RBFOX1: variants seen among roughly 807,000 people sequenced by gnomAD.
The protein encoded by RBFOX1 is RNA binding protein fox-1 homolog 1.
A neutral mutation model predicts 57.7 loss-of-function variants in RBFOX1; 8 were observed. The observed-to-expected ratio is 0.14, with a 90% CI of 0.08 to 0.25. The LOEUF (loss-of-function observed/expected upper bound fraction) is 0.25, where lower values mean the gene tolerates loss of function less well. Ranked by LOEUF, RBFOX1 falls within the 10% of genes least tolerant of loss-of-function variation. RBFOX1 has a pLI of 1.00. For missense variants in RBFOX1, 611 were observed against 548.5 expected (o/e 1.11, Z -1.14); for synonymous variants, 326 against 222.4 (o/e 1.47, Z -4.15).
chr16:6,130,369 CCTA>C (rs768322271), intron 1 of RBFOX1, among the ~76,000 whole-genome samples: 1 of 151,900 alleles, frequency 6.6e-6, no homozygotes, highest in Non-Finnish European at 1.5e-5. Flanking sequence ...TATTGTTTAT[CCTA>C]CCATGCCTAA....
intron 3 of RBFOX1, among the ~76,000 whole-genome samples, chr16:7,003,710 C>A (rs1230062684): frequency 2.6e-5 from 4 of 152,012 alleles, no homozygotes; most frequent in Non-Finnish European, 5.9e-5. Context: ...TTATTAAACA[C>A]AAACAATGTA....
intron 3 of RBFOX1, among the ~76,000 whole-genome samples, chr16:6,819,354 G>C (rs1265883120): frequency 1.3e-5 from 2 of 152,150 alleles, no homozygotes; most frequent in Admixed American, 1.3e-4. Flanking sequence ...TTGGTCTACA[G>C]TGAACACACA....
At chr16:6,568,462 G>C (rs1245345439) in intron 2 of RBFOX1, among the ~76,000 whole-genome samples, 1 of 152,164 alleles carries the variant, frequency 6.6e-6, no homozygotes, top group African/African-American at 2.4e-5. Context: ...AGAAGGGAGA[G>C]ATGCTAAGAT....
intron 4 of RBFOX1, among the ~76,000 whole-genome samples, chr16:7,274,261 T>G (rs1447301025): frequency 6.6e-6 from 1 of 152,234 alleles, no homozygotes; most frequent in Non-Finnish European, 1.5e-5. Context: ...AGGAACTGCT[T>G]GCATTGTCAT....
intron 4 of RBFOX1, among the ~76,000 whole-genome samples, chr16:5,988,781 C>T (rs953214541): frequency 6.7e-6 from 1 of 150,122 alleles, no homozygotes; most frequent in Non-Finnish European, 1.5e-5. Context: ...TGCCCTTTCT[C>T]AATTTTTTTT....
intron 3 of RBFOX1, among the ~76,000 whole-genome samples, chr16:6,810,838 G>C (rs1002194249): frequency 2.5e-4 from 38 of 152,204 alleles, no homozygotes; most frequent in African/African-American, 7.9e-4. Context: ...GCCGGGAAAG[G>C]TCGCCATGAT....
At chr16:7,126,030 C>T (rs1198759642) in intron 4 of RBFOX1, among the ~76,000 whole-genome samples, 3 of 152,184 alleles carry the variant, frequency 2.0e-5, no homozygotes, top group Admixed American at 2.0e-4. Context: ...TTGCAGTGAG[C>T]TGAGATCGCA....
At chr16:6,557,134 T>C (rs922055539) in intron 2 of RBFOX1, among the ~76,000 whole-genome samples, 10 of 144,092 alleles carry the variant, frequency 6.9e-5, no homozygotes, top group African/African-American at 2.3e-4. Context: ...TACATATACA[T>C]ATATACATAT....
intron 4 of RBFOX1, among the ~76,000 whole-genome samples, chr16:7,445,775 AG>A (rs1395656423): frequency 1.3e-5 from 2 of 152,168 alleles, no homozygotes; most frequent in African/African-American, 4.8e-5. Context: ...AGATGCCCAA[AG>A]ACTGATATCC....
At chr16:7,150,076 G>A (rs1264788286) in intron 4 of RBFOX1, among the ~76,000 whole-genome samples, 2 of 152,294 alleles carry the variant, frequency 1.3e-5, no homozygotes, top group South Asian at 2.1e-4. Flanking sequence ...GCCCCAGCCA[G>A]GTTGCCTGTT....
intron 2 of RBFOX1, among the ~76,000 whole-genome samples, chr16:6,552,767 CA>C (rs1283281704): frequency 6.6e-6 from 1 of 151,476 alleles, no homozygotes; most frequent in Non-Finnish European, 1.5e-5. Flanking sequence ...AATGTACACA[CA>C]TATAAATACA....
intron 2 of RBFOX1, among the ~76,000 whole-genome samples, chr16:6,594,732 C>T (rs1158789222): frequency 6.6e-6 from 1 of 151,932 alleles, no homozygotes; most frequent in East Asian, 1.9e-4. Flanking sequence ...GGTTCACTTA[C>T]TATATGGTAT....
intron 3 of RBFOX1, among the ~76,000 whole-genome samples, chr16:5,712,913 T>A (rs577848307): frequency 6.6e-6 from 1 of 152,310 alleles, no homozygotes; most frequent in African/African-American, 2.4e-5. Flanking sequence ...ACTAGTCATG[T>A]TTTTCCATGG....
chr16:7,502,261 G>C (rs938980060), intron 4 of RBFOX1, among the ~76,000 whole-genome samples: 1 of 152,128 alleles, frequency 6.6e-6, no homozygotes, highest in Non-Finnish European at 1.5e-5. Context: ...TCAAACACCT[G>C]ATTACTATGT....
intron 3 of RBFOX1, among the ~76,000 whole-genome samples, chr16:6,895,573 A>G (rs956722393): frequency 2.0e-5 from 3 of 150,340 alleles, no homozygotes; most frequent in African/African-American, 4.9e-5. Context: ...GGAAGGATCT[A>G]TGTTCAGAAA....
chr16:6,872,611 G>A (rs945486795), intron 3 of RBFOX1, among the ~76,000 whole-genome samples: 3 of 152,104 alleles, frequency 2.0e-5, no homozygotes, highest in Admixed American at 2.0e-4. Context: ...CAATTAATGT[G>A]CAACTACTTT....
intron 3 of RBFOX1, among the ~76,000 whole-genome samples, chr16:5,833,546 G>T (rs967911699): frequency 2.0e-5 from 3 of 149,972 alleles, no homozygotes; most frequent in Admixed American, 6.6e-5. Context: ...CAAAAGGAAA[G>T]GAGGCAGTCC....
At chr16:6,822,273 G>T (rs1259347919) in intron 3 of RBFOX1, among the ~76,000 whole-genome samples, 1 of 152,212 alleles carries the variant, frequency 6.6e-6, no homozygotes, top group Non-Finnish European at 1.5e-5. Context: ...CCCACTTTCT[G>T]CCTTTTCCAT....
chr16:5,351,123 A>G (rs2065253497), intron 1 of RBFOX1, among the ~76,000 whole-genome samples: 1 of 152,194 alleles, frequency 6.6e-6, no homozygotes, highest in Non-Finnish European at 1.5e-5. Flanking sequence ...TGTGTCTCCC[A>G]TCTGATACCC....
Sources: gnomAD v4.1 joint callset for allele counts (sites outside exome capture counted in the v4.1 genomes callset) on GRCh38, gnomAD v4.1.1 for gene constraint, MANE v1.5 for transcripts, NCBI Gene and HGNC (gene_info 2026-07-23, HGNC 2026-07-21) for gene names.